UTS2B: variants seen among roughly 807,000 people sequenced by gnomAD.
The protein encoded by UTS2B is urotensin-2B.
A neutral mutation model predicts 19.2 loss-of-function variants in UTS2B; 21 were observed. The observed-to-expected ratio is 1.09, with a 90% confidence interval of 0.78 to 1.58. The LOEUF (loss-of-function observed/expected upper bound fraction) is 1.58, where lower values mean the gene tolerates loss of function less well. UTS2B is among the 40% of genes most tolerant of loss of function. The pLI, the probability that UTS2B is intolerant of heterozygous loss-of-function variation, is 0.00. For synonymous variants in UTS2B, 57 were observed against 50.2 expected (o/e 1.14, Z -0.58); for missense variants, 138 against 130.3 (o/e 1.06, Z -0.29).
At chr3:191,301,549 T>C (rs543675767) in intron 4 of UTS2B, among the ~76,000 whole-genome samples, 3 of 147,202 alleles carry the variant, frequency 2.0e-5, no homozygotes, top group South Asian at 2.2e-4. Flanking sequence ...TGCAGTGGTG[T>C]GATCTCGGCT....
At chr3:191,297,782 T>C (rs1716893879) in intron 4 of UTS2B, among the ~76,000 whole-genome samples, 1 of 152,238 alleles carries the variant, frequency 6.6e-6, no homozygotes, top group South Asian at 2.1e-4. Context: ...AATTATTTTA[T>C]CATCGATTAT....
intron 4 of UTS2B, among the ~76,000 whole-genome samples, chr3:191,293,766 G>A (rs1716777520): frequency 6.6e-6 from 1 of 151,912 alleles, no homozygotes; most frequent in Non-Finnish European, 1.5e-5. Flanking sequence ...TTTTCAAGCA[G>A]TATCTTCAAT....
At chr3:191,299,106 T>G (rs946677081) in intron 4 of UTS2B, among the ~76,000 whole-genome samples, 2 of 147,822 alleles carry the variant, frequency 1.4e-5, no homozygotes, top group Non-Finnish European at 3.0e-5. Flanking sequence ...AAATTTGAAC[T>G]TACATTTAAA....
At chr3:191,276,354 T>C (rs4399929) in intron 7 of UTS2B, among the ~76,000 whole-genome samples, 53,095 of 152,056 alleles carry the variant, frequency 0.35, 10,131 homozygotes, top group African/African-American at 0.52. Flanking sequence ...GGCAGCACTT[T>C]AGGCTCTTCA....
chr3:191,268,643 T>C (rs1432229823), intron 8 of UTS2B, among the ~76,000 whole-genome samples: 1 of 152,216 alleles, frequency 6.6e-6, no homozygotes, highest in Non-Finnish European at 1.5e-5. Context: ...ACTAGTCACA[T>C]TTCAACTGCT....
chr3:191,268,453 A>C lies in UTS2B; in HGVS notation c.335-12T>G. 1 of 1,541,224 alleles carries C rather than the reference A, an allele frequency of 6.5e-7. No homozygotes were observed. Among genetic ancestry groups the C allele is most frequent in the Non-Finnish European group, 8.9e-7 (1 of 1,125,756 alleles). ...TTTCCAAAAGCAAGCTAAAGAAGAA[A>C]ACAAAATACATTTTTTATTAGAAGT... On this transcript the variant is annotated splice_polypyrimidine_tract_variant and intron_variant, in intron 8 of 8. Coordinates refer to ENST00000340524, the MANE Select transcript of UTS2B (RefSeq NM_198152.5).
intron 8 of UTS2B, among the ~76,000 whole-genome samples, chr3:191,274,271 C>T (rs1716170272): frequency 6.6e-6 from 1 of 152,114 alleles, no homozygotes. Flanking sequence ...ATATTAATAG[C>T]TATTGTATGG....
intron 4 of UTS2B, among the ~76,000 whole-genome samples, chr3:191,284,972 A>G (rs1355644310): frequency 2.0e-5 from 3 of 152,158 alleles, no homozygotes; most frequent in Non-Finnish European, 4.4e-5. Context: ...ACTGAGTGCT[A>G]ATTAGTAACT....
In UTS2B at chr3:191,329,954, G is replaced by A. The variant is rs115986233; in HGVS notation, c.-665+460C>T. 0.17 allele frequency among the ~76,000 whole-genome samples: 23,143 copies of A among 138,092 alleles called. 2,594 individuals are homozygous for A. Among genetic ancestry groups the A allele is most frequent in the East Asian group, 0.48 (2,094 of 4,324 alleles). The allele number at this position is 138,092 out of a possible 152,430, so 90.6% of individuals were successfully genotyped here. On this transcript the variant is annotated intron_variant, in intron 1 of 8. Coordinates refer to ENST00000340524, the MANE Select transcript of UTS2B (RefSeq NM_198152.5). The stretch of plus-strand genomic sequence containing the variant: ...TCAAGGGGGTGGTTGGGGGGGGGGG[G>A]GGCTAGCAGCAGCCCCAGCAAGTAG...
At chr3:191,301,281 C>T (rs1716991834) in intron 4 of UTS2B, among the ~76,000 whole-genome samples, 1 of 152,076 alleles carries the variant, frequency 6.6e-6, no homozygotes, top group South Asian at 2.1e-4. Flanking sequence ...GTTCAGACAT[C>T]CCTGGCTTTG....
chr3:191,335,528 A>G, the UTS2B span, among the ~76,000 whole-genome samples: 1 of 152,178 alleles, frequency 6.6e-6, no homozygotes, highest in African/African-American at 2.4e-5. Context: ...GAATTTAAAA[A>G]CCAGCGCAAG....
At chr3:191,275,633 T>C (rs1361514888) in intron 7 of UTS2B, among the ~76,000 whole-genome samples, 1 of 151,446 alleles carries the variant, frequency 6.6e-6, no homozygotes, top group Non-Finnish European at 1.5e-5. Context: ...TGAGCCGAGA[T>C]TGCACCACTG....
chr3:191,300,899 G>T (rs949536981), intron 4 of UTS2B, among the ~76,000 whole-genome samples: 2 of 152,154 alleles, frequency 1.3e-5, no homozygotes, highest in African/African-American at 4.8e-5. Flanking sequence ...TTTACAATCT[G>T]CAAAACCATA....
At chr3:191,329,335 C>T (rs1483640842) in intron 1 of UTS2B, 2 of 279,446 alleles carry the variant, frequency 7.2e-6, no homozygotes, top group African/African-American at 2.2e-5. Context: ...CCCCCTCCCC[C>T]AGCCGGCCCG....
chr3:191,282,495 C>T, intron 4 of UTS2B, 182 bp from the exon 5 acceptor site: 1 of 222,654 alleles, frequency 4.5e-6, no homozygotes, highest in Non-Finnish European at 8.8e-6. Flanking sequence ...TATGCATGCC[C>T]ACACATTCAA....
chr3:191,339,170 T>C, the UTS2B span, among the ~76,000 whole-genome samples: 6 of 152,304 alleles, frequency 3.9e-5, no homozygotes, highest in East Asian at 7.7e-4. Context: ...ATGGTTTATA[T>C]TGAAAAGAGG....
intron 3 of UTS2B, among the ~76,000 whole-genome samples, chr3:191,307,289 G>A (rs542914865): frequency 3.3e-5 from 5 of 151,870 alleles, no homozygotes; most frequent in Non-Finnish European, 4.4e-5. Flanking sequence ...GACTCAATCC[G>A]TCTATACATC....
chr3:191,310,699 A>AG (rs1428848184), intron 3 of UTS2B, among the ~76,000 whole-genome samples: 2 of 152,196 alleles, frequency 1.3e-5, no homozygotes, highest in East Asian at 3.9e-4. Context: ...CAGACCCTTC[A>AG]TAGTTCTTGG....
At chr3:191,342,328 G>T in the UTS2B span, among the ~76,000 whole-genome samples, 1 of 152,070 alleles carries the variant, frequency 6.6e-6, no homozygotes, top group African/African-American at 2.4e-5. Flanking sequence ...AAAGTTGTTG[G>T]GGAATTTTGA....
Sources: gnomAD v4.1 joint callset for allele counts (sites outside exome capture counted in the v4.1 genomes callset) on GRCh38, gnomAD v4.1.1 for gene constraint, MANE v1.5 for transcripts, NCBI Gene and HGNC (gene_info 2026-07-23, HGNC 2026-07-21) for gene names.